ESR1: variants seen among roughly 807,000 people sequenced by gnomAD.
ESR1 encodes estrogen receptor.
Under a neutral mutation model 52.7 loss-of-function variants are expected in ESR1, and 12 were observed. The observed-to-expected ratio is 0.23, with a 90% CI of 0.15 to 0.37. The LOEUF is 0.37. Among genes scored for constraint, ESR1 ranks in the 10% least tolerant of loss-of-function variants. The pLI is 1.00. For missense variants in ESR1, 584 were observed against 779.7 expected, an observed-to-expected ratio of 0.75 and a Z score of 2.99; for synonymous variants, 305 against 316.8, an observed-to-expected ratio of 0.96 and a Z score of 0.39.
downstream of ESR1, among the ~76,000 whole-genome samples, chr6:152,105,394 A>G (rs1388134940): frequency 1.3e-5 from 2 of 150,026 alleles, no homozygotes; most frequent in Non-Finnish European, 3.0e-5. Flanking sequence ...TTAAATAAAT[A>G]TTTTTAGGGT....
At chr6:151,918,651 G>A (rs951958847) in intron 3 of ESR1, among the ~76,000 whole-genome samples, 8 of 152,232 alleles carry the variant, frequency 5.3e-5, no homozygotes, top group African/African-American at 1.9e-4. Flanking sequence ...TTAACTGGTG[G>A]TTGTCACAGT....
At chr6:151,811,071 GA>G (rs1778761123) in intron 1 of ESR1, 1 of 152,220 alleles carries the variant, frequency 6.6e-6, no homozygotes, top group South Asian at 2.1e-4. Context: ...GAATTTATGT[GA>G]AGGTCACGTC....
At chr6:151,851,789 A>G (rs1457004449) in intron 2 of ESR1, among the ~76,000 whole-genome samples, 2 of 152,188 alleles carry the variant, frequency 1.3e-5, no homozygotes, top group Admixed American at 6.5e-5. Flanking sequence ...TGGCCTCCCA[A>G]AGTGCTGGGA....
chr6:151,932,370 T>A (rs1486858852), intron 3 of ESR1, among the ~76,000 whole-genome samples: 2 of 122,848 alleles, frequency 1.6e-5, no homozygotes, highest in African/African-American at 6.5e-5. Context: ...GTCAGATGAG[T>A]AGGTTGCGAA....
chr6:152,040,643 G>A (rs1004442038), intron 5 of ESR1, among the ~76,000 whole-genome samples: 7 of 152,206 alleles, frequency 4.6e-5, no homozygotes, highest in East Asian at 1.9e-4. Flanking sequence ...AAAGTTCTGT[G>A]CATTGGGAAG....
At chr6:151,760,160 A>G (rs1784566916) in intron 2 of ESR1, among the ~76,000 whole-genome samples, 2 of 152,168 alleles carry the variant, frequency 1.3e-5, no homozygotes, top group East Asian at 3.9e-4. Context: ...ACATATTCCC[A>G]GGAGACTTGT....
At chr6:151,983,243 A>G (rs2040159348) in intron 4 of ESR1, among the ~76,000 whole-genome samples, 1 of 152,104 alleles carries the variant, frequency 6.6e-6, no homozygotes, top group South Asian at 2.1e-4. Flanking sequence ...AACCAATAAA[A>G]ATTCACCACG....
At chr6:152,032,504 A>G (rs1584918149) in intron 5 of ESR1, among the ~76,000 whole-genome samples, 4 of 152,300 alleles carry the variant, frequency 2.6e-5, no homozygotes, top group African/African-American at 9.6e-5. Context: ...ATAACAGACA[A>G]ACAGAGAGCC....
At chr6:151,836,834 T>G (rs1361444154) in intron 1 of ESR1, among the ~76,000 whole-genome samples, 1 of 152,194 alleles carries the variant, frequency 6.6e-6, no homozygotes, top group East Asian at 1.9e-4. Context: ...GAAGTGGACA[T>G]CTATTTGTTG....
chr6:151,963,916 T>C (rs1398983250), intron 4 of ESR1, among the ~76,000 whole-genome samples: 7 of 152,226 alleles, frequency 4.6e-5, no homozygotes, highest in African/African-American at 1.7e-4. Flanking sequence ...ACACCATTTA[T>C]TAAAGAGGCT....
chr6:151,996,717 C>T (rs144524008), intron 4 of ESR1, among the ~76,000 whole-genome samples: 1,733 of 152,168 alleles, frequency 0.011, 34 homozygotes, highest in African/African-American at 0.04. Context: ...TCATCCATCT[C>T]AATAGACAAA....
chr6:152,104,648 A>G (rs957693576), downstream of ESR1, among the ~76,000 whole-genome samples: 3 of 152,144 alleles, frequency 2.0e-5, no homozygotes, highest in African/African-American at 7.2e-5. Flanking sequence ...TTCTGAGACA[A>G]TTTCTAAAAC....
chr6:151,753,632 T>C (rs1185925093), intron 2 of ESR1, among the ~76,000 whole-genome samples: 4 of 152,192 alleles, frequency 2.6e-5, no homozygotes, highest in Non-Finnish European at 4.4e-5. Context: ...TGTGTTTTAA[T>C]GTATTGGCTC....
chr6:151,782,729 C>A (rs1740499437), intron 2 of ESR1, among the ~76,000 whole-genome samples: 1 of 152,290 alleles, frequency 6.6e-6, no homozygotes, highest in South Asian at 2.1e-4. Context: ...GAAATCTAAT[C>A]ATTTAAACAC....
At chr6:151,853,403 C>G (rs750601843) in intron 2 of ESR1, among the ~76,000 whole-genome samples, 12 of 152,044 alleles carry the variant, frequency 7.9e-5, no homozygotes, top group Non-Finnish European at 1.2e-4. Context: ...TTAATGCGAT[C>G]CTGTGAAACT....
At chr6:151,778,658 A>T (rs1358157895) in intron 2 of ESR1, among the ~76,000 whole-genome samples, 4 of 152,036 alleles carry the variant, frequency 2.6e-5, no homozygotes, top group Non-Finnish European at 5.9e-5. Context: ...TGCCCACCTC[A>T]GCCTCCCAAA....
chr6:151,959,864 C>G (rs2037451380), intron 4 of ESR1, among the ~76,000 whole-genome samples: 1 of 152,144 alleles, frequency 6.6e-6, no homozygotes. Flanking sequence ...GTTGAGAATA[C>G]ATGCATTAAA....
intron 2 of ESR1, among the ~76,000 whole-genome samples, chr6:151,770,743 T>C (rs1785445067): frequency 6.6e-6 from 1 of 152,082 alleles, no homozygotes; most frequent in Non-Finnish European, 1.5e-5. Flanking sequence ...TATGACTGAG[T>C]CAATTTTTTT....
intron 1 of ESR1, among the ~76,000 whole-genome samples, chr6:151,691,109 C>T (rs1488780313): frequency 6.6e-6 from 1 of 152,186 alleles, no homozygotes; most frequent in African/African-American, 2.4e-5. Flanking sequence ...CCATAACTTA[C>T]GTGAGTTTGA....
Sources: gnomAD v4.1 joint callset for allele counts (sites outside exome capture counted in the v4.1 genomes callset) on GRCh38, gnomAD v4.1.1 for gene constraint, MANE v1.5 for transcripts, NCBI Gene and HGNC (gene_info 2026-07-23, HGNC 2026-07-21) for gene names.